The following MEIKIN variants were observed in gnomAD, a reference collection of about 807,000 sequenced individuals.
MEIKIN encodes meiotic kinetochore factor, also known as meiosis-specific kinetochore protein.
At chr5:131,861,893 C>A (rs575051362) in intron 9 of MEIKIN, among the ~76,000 whole-genome samples, 2 of 152,038 alleles carry the variant, frequency 1.3e-5, no homozygotes, top group African/African-American at 4.8e-5. Context: ...GTTCATCAGG[C>A]CTGTAGTTTT....
At chr5:131,935,267 C>CAAAAA (rs749135114) in intron 4 of MEIKIN, among the ~76,000 whole-genome samples, 72 of 36,264 alleles carry the variant, frequency 2.0e-3, no homozygotes, top group Middle Eastern at 0.013. Context: ...CCCGTCTCTA[C>CAAAAA]AAAAAAAAAA....
intron 11 of MEIKIN, among the ~76,000 whole-genome samples, chr5:131,849,169 C>T (rs989429026): frequency 6.6e-6 from 1 of 152,054 alleles, no homozygotes; most frequent in Admixed American, 6.6e-5. Context: ...GTGACTGGAT[C>T]ATGGGAGTGG....
At chr5:131,869,441 A>G (rs1046386241) in intron 9 of MEIKIN, among the ~76,000 whole-genome samples, 4 of 152,146 alleles carry the variant, frequency 2.6e-5, no homozygotes, top group African/African-American at 9.7e-5. Flanking sequence ...TTCTCCTTCA[A>G]TATTGAGTTG....
At chr5:131,848,121 A>G (rs1332748586) in intron 11 of MEIKIN, among the ~76,000 whole-genome samples, 1 of 152,146 alleles carries the variant, frequency 6.6e-6, no homozygotes, top group African/African-American at 2.4e-5. Flanking sequence ...TTAAGGAACT[A>G]GAAAAGAAGA....
intron 11 of MEIKIN, among the ~76,000 whole-genome samples, chr5:131,823,076 C>T (rs1344650651): frequency 6.6e-6 from 1 of 151,956 alleles, no homozygotes; most frequent in Non-Finnish European, 1.5e-5. Flanking sequence ...ATTACAGCCC[C>T]ATTTTACGTT....
intron 11 of MEIKIN, among the ~76,000 whole-genome samples, chr5:131,848,901 C>T (rs577496611): frequency 2.6e-5 from 4 of 151,800 alleles, no homozygotes; most frequent in East Asian, 3.9e-4. Context: ...CTTAATTTGG[C>T]GAGACTTAAA....
At chr5:131,850,424 T>C (rs1332120803) in intron 11 of MEIKIN, among the ~76,000 whole-genome samples, 1 of 152,168 alleles carries the variant, frequency 6.6e-6, no homozygotes, top group Non-Finnish European at 1.5e-5. Context: ...CACTTCCTGA[T>C]TTCAAAATGT....
intron 4 of MEIKIN, among the ~76,000 whole-genome samples, chr5:131,940,245 G>C (rs1751846941): frequency 6.6e-6 from 1 of 152,182 alleles, no homozygotes; most frequent in African/African-American, 2.4e-5. Context: ...GCAAAGAAGG[G>C]AGAGGAAGAA....
chr5:131,893,978 C>G (rs549493854), intron 8 of MEIKIN, among the ~76,000 whole-genome samples: 48 of 152,300 alleles, frequency 3.2e-4, no homozygotes, highest in Middle Eastern at 6.8e-3. Flanking sequence ...TTGCCCATGT[C>G]TACGTCACGA....
At chr5:131,861,539 G>A (rs1179942053) in intron 9 of MEIKIN, among the ~76,000 whole-genome samples, 1 of 152,162 alleles carries the variant, frequency 6.6e-6, no homozygotes, top group Non-Finnish European at 1.5e-5. Flanking sequence ...TGTTCTTAGA[G>A]GAAAGGCTTT....
chr5:131,819,674 A>T (rs1299298203), intron 11 of MEIKIN, among the ~76,000 whole-genome samples: 1 of 148,710 alleles, frequency 6.7e-6, no homozygotes, highest in African/African-American at 2.5e-5. Flanking sequence ...ATCTCGGCTC[A>T]AAGCAACCTC....
At chr5:131,860,445 T>TG (rs1750264444) in intron 9 of MEIKIN, among the ~76,000 whole-genome samples, 1 of 151,956 alleles carries the variant, frequency 6.6e-6, no homozygotes. Flanking sequence ...CAGTTGTTTT[T>TG]TTTGTTTGTT....
intron 11 of MEIKIN, among the ~76,000 whole-genome samples, chr5:131,842,887 T>C (rs569647260): frequency 8.2e-4 from 125 of 152,358 alleles, no homozygotes; most frequent in African/African-American, 2.8e-3. Flanking sequence ...CACACTGCCC[T>C]AGTAGAGGTT....
At chr5:131,809,136 T>C (rs758999342) in intron 12 of MEIKIN, among the ~76,000 whole-genome samples, 101 of 152,190 alleles carry the variant, frequency 6.6e-4, no homozygotes, top group Non-Finnish European at 1.2e-3. Flanking sequence ...TCTATGAGAC[T>C]ATAAACTTTA....
intron 4 of MEIKIN, among the ~76,000 whole-genome samples, chr5:131,934,350 A>G (rs920976329): frequency 6.6e-5 from 10 of 152,160 alleles, no homozygotes; most frequent in African/African-American, 2.4e-4. Context: ...CTAAAAAACA[A>G]TGAGCCTACA....
intron 4 of MEIKIN, among the ~76,000 whole-genome samples, chr5:131,937,046 C>G (rs1751791573): frequency 6.6e-6 from 1 of 152,110 alleles, no homozygotes; most frequent in Non-Finnish European, 1.5e-5. Context: ...TGTTTGTCCT[C>G]TATGCATCCT....
chr5:131,846,815 A>G (rs1458768932), intron 11 of MEIKIN, among the ~76,000 whole-genome samples: 2 of 152,172 alleles, frequency 1.3e-5, no homozygotes, highest in East Asian at 3.8e-4. Flanking sequence ...ATGAGTTTCC[A>G]TCTCAAAAAA....
intron 8 of MEIKIN, among the ~76,000 whole-genome samples, chr5:131,896,436 T>G (rs554537415): frequency 6.6e-6 from 1 of 152,310 alleles, no homozygotes; most frequent in South Asian, 2.1e-4. Flanking sequence ...GTCCTGGATA[T>G]CCTTGTTAAC....
At position 131,822,762 on chromosome 5, in the gene MEIKIN, G is replaced by A. The variant is rs556915913; in HGVS notation, c.976-3899C>T. On this transcript the variant is annotated intron_variant, in intron 11 of 12. Transcript: ENST00000442687. ...TATTCTGTTTTTCTCTGTGCTTACA[G>A]TTACCAGTGAGTTTTCTACCTTTAG... Among the ~76,000 whole-genome samples the A allele has an allele frequency of 2.0e-5, 3 of 152,170 alleles. 1 individual carries two copies. The highest frequency in any genetic ancestry group is 2.0e-4 in the Admixed American group (3 of 15,274).
Sources: allele counts gnomAD v4.1 joint callset (sites outside exome capture counted in the v4.1 genomes callset), GRCh38; gene constraint gnomAD v4.1.1; transcripts MANE v1.5; gene names NCBI Gene and HGNC (gene_info 2026-07-23, HGNC 2026-07-21).